Variants in FGF13 observed in about 807,000 individuals in gnomAD.
The protein encoded by FGF13 is fibroblast growth factor homologous factor 2.
Under a neutral mutation model 19.5 loss-of-function variants are expected in FGF13, and 2 were observed. That is an observed-to-expected ratio of 0.10 (90% CI 0.04 to 0.32). The LOEUF is 0.32. FGF13 is among the 10% of genes least tolerant of loss of function. FGF13 has a pLI of 1.00. For synonymous variants in FGF13, 72 were observed against 76.9 expected, an observed-to-expected ratio of 0.94 and a Z score of 0.33; for missense variants, 113 against 192.7, an observed-to-expected ratio of 0.59 and a Z score of 2.45.
chrX:138,833,669 C>T (rs950395436), intron 3 of FGF13, among the ~76,000 whole-genome samples: 1 of 111,805 alleles, frequency 8.9e-6, no homozygotes, highest in African/African-American at 3.3e-5. Flanking sequence ...TCACTGATTG[C>T]TCTGGCCGAG....
At chrX:138,969,604 T>A (rs897982353) in intron 1 of FGF13, among the ~76,000 whole-genome samples, 54 of 111,997 alleles carry the variant, frequency 4.8e-4, no homozygotes, top group African/African-American at 1.7e-3. Context: ...TGCATTTTTC[T>A]TACTAGTGTT....
At chrX:139,023,546 G>C (rs747340166) in intron 1 of FGF13, among the ~76,000 whole-genome samples, 1 of 111,207 alleles carries the variant, frequency 9.0e-6, no homozygotes, top group Non-Finnish European at 1.9e-5. Context: ...TTCTAAGAAT[G>C]CATCTTAAGT....
intron 1 of FGF13, among the ~76,000 whole-genome samples, chrX:138,973,178 T>G (rs760732916): frequency 1.2e-4 from 14 of 112,045 alleles, no homozygotes; most frequent in Non-Finnish European, 2.4e-4. Flanking sequence ...CTGCCTTTGC[T>G]GTATTCCATA....
intron 1 of FGF13, among the ~76,000 whole-genome samples, chrX:139,106,963 C>T (rs182531367): frequency 3.4e-4 from 38 of 112,099 alleles, no homozygotes; most frequent in African/African-American, 1.1e-3. Flanking sequence ...CGGATATCTC[C>T]GGAAGGCTTC....
intron 1 of FGF13, among the ~76,000 whole-genome samples, chrX:139,044,967 G>A (rs1455633306): frequency 3.6e-5 from 4 of 111,880 alleles, no homozygotes; most frequent in African/African-American, 9.8e-5. Flanking sequence ...TGGGGCCTTC[G>A]ACTCCACATT....
chrX:138,836,831 G>A (rs937258593), intron 3 of FGF13, among the ~76,000 whole-genome samples: 4 of 110,235 alleles, frequency 3.6e-5, no homozygotes, highest in Non-Finnish European at 7.6e-5. Flanking sequence ...TCTCATCTTT[G>A]TGAAATTATC....
intron 1 of FGF13, among the ~76,000 whole-genome samples, chrX:138,922,833 C>T (rs1453986635): frequency 8.9e-6 from 1 of 111,936 alleles, no homozygotes; most frequent in Non-Finnish European, 1.9e-5. Flanking sequence ...TTGTAAGATG[C>T]CCCGCTTCAT....
intron 1 of FGF13, among the ~76,000 whole-genome samples, chrX:138,717,194 T>C: frequency 8.9e-6 from 1 of 111,812 alleles, no homozygotes; most frequent in East Asian, 2.8e-4. Flanking sequence ...TGCTTGGCCA[T>C]TTAATCAAGA....
At chrX:139,170,352 G>A (rs1484158596) in intron 1 of FGF13, among the ~76,000 whole-genome samples, 1 of 111,220 alleles carries the variant, frequency 9.0e-6, no homozygotes, top group Non-Finnish European at 1.9e-5. Flanking sequence ...ATTGTTTCCT[G>A]CATACAGCCC....
chrX:138,654,368 C>T (rs1445416139), intron 3 of FGF13, among the ~76,000 whole-genome samples: 1 of 111,990 alleles, frequency 8.9e-6, no homozygotes, highest in East Asian at 2.8e-4. Context: ...TAAACCAAAA[C>T]AGGACTAACA....
intron 3 of FGF13, among the ~76,000 whole-genome samples, chrX:138,655,004 G>C (rs1472963790): frequency 1.8e-5 from 2 of 111,361 alleles, no homozygotes; most frequent in Admixed American, 9.5e-5. Flanking sequence ...TGAGGAGTGA[G>C]GCTGCTCCTC....
intron 1 of FGF13, among the ~76,000 whole-genome samples, chrX:139,161,551 G>T (rs1042283648): frequency 1.3e-4 from 15 of 111,384 alleles, no homozygotes; most frequent in South Asian, 3.9e-4. Context: ...TCTGGCCACG[G>T]CACTCAGGCA....
intron 3 of FGF13, among the ~76,000 whole-genome samples, chrX:138,683,415 TCACACA>T (rs376513383): frequency 1.9e-5 from 2 of 103,406 alleles, no homozygotes; most frequent in South Asian, 4.2e-4. Context: ...TCTCTCTCTC[TCACACA>T]CACACACACA....
In FGF13 at chrX:138,618,780, A is replaced by G. The variant is rs1485250554; in HGVS notation, c.*14070T>C. The G allele has an allele frequency of 8.9e-6, 1 of 111,857 alleles. No individual in the cohort carries two copies. Among genetic ancestry groups the G allele is most frequent in the African/African-American group, 3.3e-5 (1 of 30,747 alleles). The allele number at this position is 111,857 out of a possible 1,213,427, so 9.2% of individuals were successfully genotyped here. On this transcript the variant is annotated 3_prime_UTR_variant, in exon 5 of 5. Coordinates refer to ENST00000315930, the MANE Select transcript of FGF13 (RefSeq NM_004114.5). ...CACTTCAGGGCACCACGTTAGAGAA[A>G]ACAAATGGGAAACTCTCAGAATTTG...
chrX:138,781,509 C>A (rs1207881371), intron 3 of FGF13, among the ~76,000 whole-genome samples: 2 of 109,385 alleles, frequency 1.8e-5, no homozygotes, highest in South Asian at 3.9e-4. Context: ...CACAGAAATA[C>A]AAACTACCAT....
Position 138,615,302 on chromosome X carries a change from C to A in FGF13, c.*17548G>T, listed in dbSNP as rs917752848. On this transcript the variant is annotated 3_prime_UTR_variant, in exon 5 of 5. Coordinates refer to ENST00000315930, the MANE Select transcript of FGF13 (RefSeq NM_004114.5). ...GATACTGCAGTTATGTAAGTTGATACCACTAGAGGAACTAGATAAAGGGCA... is the reference window on the plus strand; with the variant it reads ...GATACTGCAGTTATGTAAGTTGATAACACTAGAGGAACTAGATAAAGGGCA... The A allele has an allele frequency of 1.3e-4, 14 of 111,959 alleles. No homozygotes were observed. The highest frequency in any genetic ancestry group is 4.7e-4 in the Admixed American group (5 of 10,551). The allele number at this position is 111,959 out of a possible 1,213,427, so 9.2% of individuals were successfully genotyped here. A position where few individuals can be genotyped will look rare whatever the true frequency, so the allele number is the denominator to read the frequency against.
intron 2 of FGF13, among the ~76,000 whole-genome samples, chrX:138,863,992 T>C: frequency 8.9e-6 from 1 of 112,152 alleles, no homozygotes. Flanking sequence ...TTGTCCATTG[T>C]AGGATGTTGA....
chrX:139,123,972 C>A (rs1051339608), intron 1 of FGF13, among the ~76,000 whole-genome samples: 4 of 112,127 alleles, frequency 3.6e-5, no homozygotes, highest in African/African-American at 1.3e-4. Context: ...TGCCTATATA[C>A]GAGTAGGGAG....
At chrX:138,811,798 G>T (rs866919052) in intron 3 of FGF13, among the ~76,000 whole-genome samples, 1 of 109,962 alleles carries the variant, frequency 9.1e-6, no homozygotes, top group Non-Finnish European at 1.9e-5. Context: ...TCCTATGTTA[G>T]TAAATGACAC....
Sources: allele counts gnomAD v4.1 joint callset (sites outside exome capture counted in the v4.1 genomes callset), GRCh38; gene constraint gnomAD v4.1.1; transcripts MANE v1.5; gene names NCBI Gene and HGNC (gene_info 2026-07-23, HGNC 2026-07-21).